ZNF521: variants seen among roughly 807,000 people sequenced by gnomAD.
ZNF521 encodes the protein zinc finger protein 521, also known as LYST-interacting protein 3.
In ZNF521, 14 loss-of-function variants were observed where a neutral mutation model predicts 105.5. The ratio of observed to expected loss-of-function variants is 0.13; its 90% CI spans 0.09 to 0.21. The LOEUF is 0.21. Among genes scored for constraint, ZNF521 ranks in the 10% least tolerant of loss-of-function variants. The pLI is 1.00. For synonymous variants in ZNF521, 635 were observed against 606.0 expected (o/e 1.05, Z -0.70); for missense variants, 1,233 against 1,629.7 (o/e 0.76, Z 4.19).
intron 2 of ZNF521, among the ~76,000 whole-genome samples, chr18:25,336,826 G>A (rs955625788): frequency 6.6e-6 from 1 of 152,184 alleles, no homozygotes; most frequent in Non-Finnish European, 1.5e-5. Flanking sequence ...GTATGCTATG[G>A]TGTGTACAAA....
intron 5 of ZNF521, among the ~76,000 whole-genome samples, chr18:25,164,714 G>T (rs1168198891): frequency 1.3e-5 from 2 of 152,214 alleles, no homozygotes; most frequent in Non-Finnish European, 2.9e-5. Flanking sequence ...GGTGGTTAGA[G>T]TGCCAGGAGA....
chr18:25,088,209 C>A (rs1197223238), intron 7 of ZNF521, among the ~76,000 whole-genome samples: 1 of 151,332 alleles, frequency 6.6e-6, no homozygotes, highest in African/African-American at 2.4e-5. Context: ...GAATAATTTT[C>A]TTTTCTTTTC....
intron 5 of ZNF521, among the ~76,000 whole-genome samples, chr18:25,176,858 C>T (rs958652717): frequency 1.3e-5 from 2 of 152,230 alleles, no homozygotes; most frequent in African/African-American, 2.4e-5. Context: ...AGCACACGTG[C>T]GCGTGCACGC....
intron 3 of ZNF521, among the ~76,000 whole-genome samples, chr18:25,295,302 T>G (rs192003018): frequency 5.3e-5 from 8 of 152,346 alleles, no homozygotes; most frequent in Admixed American, 4.6e-4. Flanking sequence ...ATTCGACATT[T>G]GCAGGGGTTG....
intron 5 of ZNF521, among the ~76,000 whole-genome samples, chr18:25,106,854 A>T (rs2144280471): frequency 6.6e-6 from 1 of 152,292 alleles, no homozygotes; most frequent in Middle Eastern, 3.4e-3. Context: ...CTGTCACAAA[A>T]GTTGCTTCCA....
chr18:25,300,381 C>T (rs1479012135), intron 3 of ZNF521, among the ~76,000 whole-genome samples: 1 of 152,140 alleles, frequency 6.6e-6, no homozygotes, highest in African/African-American at 2.4e-5. Context: ...TTCTATAGTA[C>T]TTTATTGTAG....
intron 3 of ZNF521, among the ~76,000 whole-genome samples, chr18:25,277,280 T>C (rs926364956): frequency 6.6e-6 from 1 of 152,158 alleles, no homozygotes; most frequent in Non-Finnish European, 1.5e-5. Flanking sequence ...TCAAATATTA[T>C]AATTTTTCGA....
At chr18:25,242,222 C>T (rs1427895160) in intron 3 of ZNF521, among the ~76,000 whole-genome samples, 1 of 152,168 alleles carries the variant, frequency 6.6e-6, no homozygotes, top group African/African-American at 2.4e-5. Context: ...TCTGTAAGGA[C>T]TCAATAGCCT....
intron 3 of ZNF521, among the ~76,000 whole-genome samples, chr18:25,281,452 T>C (rs530596711): frequency 5.3e-5 from 8 of 152,192 alleles, no homozygotes; most frequent in Non-Finnish European, 7.4e-5. Context: ...GTTTGTTCCA[T>C]AGAATGCATG....
chr18:25,327,522 C>T, intron 2 of ZNF521: 1 of 768,186 alleles, frequency 1.3e-6, no homozygotes, highest in Non-Finnish European at 1.9e-6. Context: ...CAAGTATGTT[C>T]AAATCCTAAT....
intron 7 of ZNF521, among the ~76,000 whole-genome samples, chr18:25,078,348 G>A (rs1312588455): frequency 2.6e-5 from 4 of 152,184 alleles, no homozygotes; most frequent in Non-Finnish European, 5.9e-5. Context: ...CAGGATTTCA[G>A]GCTGACTACT....
chr18:25,103,360 T>A (rs1208387082), intron 5 of ZNF521, among the ~76,000 whole-genome samples: 1 of 152,152 alleles, frequency 6.6e-6, no homozygotes, highest in Admixed American at 6.5e-5. Context: ...TATGGAGTTA[T>A]AATTACTCAA....
At chr18:25,314,990 T>C (rs1385509703) in intron 3 of ZNF521, among the ~76,000 whole-genome samples, 1 of 152,230 alleles carries the variant, frequency 6.6e-6, no homozygotes, top group Non-Finnish European at 1.5e-5. Context: ...CATAGCACCC[T>C]GCTATTAAAT....
rs370959970 is a variant in ZNF521, at chr18:25,213,002, A to G, written c.3573+11343T>C. Among the ~76,000 whole-genome samples the G allele has an allele frequency of 1.3e-4, 19 of 151,600 alleles. No individual in the cohort carries two copies. In the East Asian group the frequency reaches 3.1e-3, roughly 25 times the overall value. Reference sequence around the variant, plus strand: ...ACCTGTATATGACATTATAATCTGTATATTTTCAATTTTTGTGCTACTTTT... The same window carrying G: ...ACCTGTATATGACATTATAATCTGTGTATTTTCAATTTTTGTGCTACTTTT... On this transcript the variant is annotated intron_variant, in intron 4 of 7. Transcript: ENST00000361524.
chr18:25,215,904 TACA>T (rs1217953411), intron 4 of ZNF521, among the ~76,000 whole-genome samples: 3 of 152,140 alleles, frequency 2.0e-5, no homozygotes, highest in Non-Finnish European at 2.9e-5. Flanking sequence ...AAATATTGAA[TACA>T]ACAACAACAA....
In ZNF521 at chr18:25,062,608, G is replaced by A. The variant is rs1365543729; in HGVS notation, c.*104C>T. ...TACAAGTTTTATGGTACAATACAAT[G>A]TTTCTGAATAATATACATTAACAAT... On this transcript the variant is annotated 3_prime_UTR_variant, in exon 8 of 8. Transcript: ENST00000361524. 3 of 1,421,374 alleles carry A rather than the reference G, an allele frequency of 2.1e-6. No individual in the cohort carries two copies. The highest frequency in any genetic ancestry group is 2.9e-5 in the African/African-American group (2 of 69,374). The allele number at this position is 1,421,374 out of a possible 1,614,324, so 88.0% of individuals were successfully genotyped here.
chr18:25,248,328 C>T (rs1014217748), intron 3 of ZNF521, among the ~76,000 whole-genome samples: 13 of 152,178 alleles, frequency 8.5e-5, no homozygotes, highest in Non-Finnish European at 1.5e-4. Flanking sequence ...CCAGGAAGAA[C>T]ATCTGCAAAA....
chr18:25,119,297 A>G (rs550426784), intron 5 of ZNF521, among the ~76,000 whole-genome samples: 3 of 152,312 alleles, frequency 2.0e-5, no homozygotes, highest in African/African-American at 7.2e-5. Context: ...GATGATTTCA[A>G]CAACACTCTC....
chr18:25,291,211 C>T (rs1911001025), intron 3 of ZNF521, among the ~76,000 whole-genome samples: 1 of 152,146 alleles, frequency 6.6e-6, no homozygotes, highest in Non-Finnish European at 1.5e-5. Flanking sequence ...AAATTGTCCA[C>T]TGCTGACATC....
Sources: gnomAD v4.1 joint callset for allele counts (sites outside exome capture counted in the v4.1 genomes callset) on GRCh38, gnomAD v4.1.1 for gene constraint, MANE v1.5 for transcripts, NCBI Gene and HGNC (gene_info 2026-07-23, HGNC 2026-07-21) for gene names.